ZNF280C: variants seen among roughly 807,000 people sequenced by gnomAD.
ZNF280C encodes suppressor of hairy wing homolog 3.
A neutral mutation model predicts 53.6 loss-of-function variants in ZNF280C; 14 were observed. The observed-to-expected ratio is 0.26, with a 90% confidence interval of 0.17 to 0.41. The LOEUF is 0.41. Among genes scored for constraint, ZNF280C ranks in the 10% least tolerant of loss-of-function variants. The pLI, the probability that ZNF280C is intolerant of heterozygous loss-of-function variation, is 1.00. For synonymous variants in ZNF280C, 203 were observed against 181.1 expected (o/e 1.12, Z -0.97); for missense variants, 416 against 547.1 (o/e 0.76, Z 2.39).
At chrX:130,268,640 A>C (rs2032716534) in intron 1 of ZNF280C, 122 bp downstream of exon 1, 1 of 112,216 alleles carries the variant, frequency 8.9e-6, no homozygotes, top group Non-Finnish European at 1.9e-5. Context: ...GTCGATCCGC[A>C]CCGGCATAGA....
intron 16 of ZNF280C, among the ~76,000 whole-genome samples, chrX:130,208,013 C>G (rs778157799): frequency 8.9e-6 from 1 of 111,797 alleles, no homozygotes; most frequent in South Asian, 3.7e-4. Flanking sequence ...GGACTTCCTA[C>G]GCTGTATTAT....
intron 1 of ZNF280C, 41 bp downstream of exon 1, chrX:130,268,721 C>T (rs2032717522): frequency 1.8e-5 from 2 of 112,711 alleles, no homozygotes; most frequent in African/African-American, 6.4e-5. Context: ...AGAGCTGCTG[C>T]CTCCTTCCGC....
chrX:130,230,248 A>G (rs2032263111), intron 9 of ZNF280C, among the ~76,000 whole-genome samples: 1 of 111,823 alleles, frequency 8.9e-6, no homozygotes, highest in African/African-American at 3.2e-5. Flanking sequence ...AAATGTAGGG[A>G]AAATAAGTAG....
At chrX:130,225,145 C>T (rs2032207306) in intron 12 of ZNF280C, among the ~76,000 whole-genome samples, 1 of 111,039 alleles carries the variant, frequency 9.0e-6, no homozygotes, top group African/African-American at 3.3e-5. Context: ...TTCATTATGT[C>T]TTTCTTACCT....
rs751962714 is a variant in ZNF280C, at chrX:130,241,120, C to T, written c.382-1427G>A. ...GTCCGCCTGATTACAAAGCCTGTGT[C>T]CTTAAGCTATATCTTTAAAAGAGAT... On this transcript the variant is annotated intron_variant, in intron 5 of 18. Transcript: ENST00000370978. Among the ~76,000 whole-genome samples the T allele has an allele frequency of 6.6e-3, 731 of 111,256 alleles. 3 individuals are homozygous for T. The highest frequency in any genetic ancestry group is 0.011 in the Non-Finnish European group (577 of 53,038).
intron 2 of ZNF280C, 148 bp downstream of exon 2, chrX:130,260,271 G>A: frequency 6.7e-6 from 2 of 300,588 alleles, no homozygotes; most frequent in Non-Finnish European, 1.0e-5. Flanking sequence ...GACACAGTGA[G>A]ACTCTGTCTC....
In ZNF280C at chrX:130,233,622, CAA is replaced by C. The variant is rs35420272; in HGVS notation, c.771+2590_771+2591del. Among the ~76,000 whole-genome samples, 272 of 52,817 alleles carry C rather than the reference CAA, an allele frequency of 5.1e-3. 1 individual carries two copies. The highest frequency in any genetic ancestry group is 0.016 in the African/African-American group (234 of 14,343). 45.9% of individuals were successfully genotyped at this position (52,817 alleles called of 115,157 possible). ...GGGCAACAAGAGTGAAACTCTGTCTCAAAAAAAAAAAAAAAAAAAAGATTTGC... is the reference window on the plus strand; with the variant it reads ...GGGCAACAAGAGTGAAACTCTGTCTCAAAAAAAAAAAAAAAAAAGATTTGC... On this transcript the variant is annotated intron_variant, in intron 8 of 18. Coordinates refer to ENST00000370978, the MANE Select transcript of ZNF280C (RefSeq NM_017666.5).
At chrX:130,256,352 A>C (rs764261681) in intron 2 of ZNF280C, among the ~76,000 whole-genome samples, 1 of 111,604 alleles carries the variant, frequency 9.0e-6, no homozygotes, top group African/African-American at 3.3e-5. Flanking sequence ...AATCCCCCTA[A>C]ATATTATTAA....
chrX:130,242,341 G>C (rs2032401669), intron 5 of ZNF280C, among the ~76,000 whole-genome samples: 1 of 111,524 alleles, frequency 9.0e-6, no homozygotes, highest in African/African-American at 3.3e-5. Flanking sequence ...ATATTAACAG[G>C]CCAGTAAATG....
At chrX:130,218,275 C>G (rs1025310979) in intron 13 of ZNF280C, among the ~76,000 whole-genome samples, 4 of 111,711 alleles carry the variant, frequency 3.6e-5, no homozygotes, top group African/African-American at 1.3e-4. Flanking sequence ...GCATTACCCT[C>G]TGGTAACTAT....
chrX:130,267,767 T>G (rs1300975697), intron 1 of ZNF280C, among the ~76,000 whole-genome samples: 2 of 112,092 alleles, frequency 1.8e-5, no homozygotes, highest in African/African-American at 6.5e-5. Context: ...AGGAGACTTT[T>G]GCAGTTTAAA....
At chrX:130,268,435 C>G (rs1399989940) in intron 1 of ZNF280C, among the ~76,000 whole-genome samples, 1 of 112,070 alleles carries the variant, frequency 8.9e-6, no homozygotes, top group Non-Finnish European at 1.9e-5. Flanking sequence ...ATGAAAAGCC[C>G]AAACCGGGTT....
At chrX:130,263,862 T>C (rs1236201405) in intron 1 of ZNF280C, among the ~76,000 whole-genome samples, 3 of 108,478 alleles carry the variant, frequency 2.8e-5, no homozygotes, top group African/African-American at 1.0e-4. Flanking sequence ...CCGTCTCTAC[T>C]AAAAATATAA....
rs752905929 is a variant in ZNF280C at position 130,260,454 on chromosome X, T to C, written c.-5A>G. 15 of 1,195,931 alleles carry C rather than the reference T, an allele frequency of 1.3e-5. No individual in the cohort carries two copies. The highest frequency in any genetic ancestry group is 1.8e-5 in the South Asian group (1 of 54,535). On this transcript the variant is annotated 5_prime_UTR_variant, in exon 2 of 19. Coordinates refer to ENST00000370978, the MANE Select transcript of ZNF280C (RefSeq NM_017666.5). ...AAAAGGTTTGTCGTCATCCATGAAG[T>C]TGCAAGGTCACCTAAGTACGAACAC...
At chrX:130,214,494 G>A (rs1410157515) in intron 15 of ZNF280C, among the ~76,000 whole-genome samples, 1 of 111,232 alleles carries the variant, frequency 9.0e-6, no homozygotes, top group Non-Finnish European at 1.9e-5. Flanking sequence ...CAAAGTGATC[G>A]CTGTGAAGAG....
At chrX:130,229,282 GTACTT>G in intron 9 of ZNF280C, 148 bp from the exon 10 acceptor site, 1 of 459,831 alleles carries the variant, frequency 2.2e-6, no homozygotes, top group East Asian at 3.9e-5. Context: ...TATAAAGTGT[GTACTT>G]TAAATAATTT....
intron 2 of ZNF280C, among the ~76,000 whole-genome samples, chrX:130,256,641 C>T (rs1419131031): frequency 9.0e-6 from 1 of 110,660 alleles, no homozygotes; most frequent in African/African-American, 3.3e-5. Context: ...GACCTTAATC[C>T]CAGCACTTTG....
intron 12 of ZNF280C, among the ~76,000 whole-genome samples, chrX:130,222,276 CCACACA>C (rs59694150): frequency 0.062 from 4,348 of 69,846 alleles, 122 homozygotes; most frequent in Middle Eastern, 0.11. Context: ...CATTCAGACA[CCACACA>C]CACACACACA....
chrX:130,245,575 T>A (rs950045409), intron 3 of ZNF280C, among the ~76,000 whole-genome samples: 1 of 111,489 alleles, frequency 9.0e-6, no homozygotes, highest in African/African-American at 3.3e-5. Context: ...CCAAGAGAAG[T>A]AAGAACTAGG....
Sources: gnomAD v4.1 joint callset for allele counts (sites outside exome capture counted in the v4.1 genomes callset) on GRCh38, gnomAD v4.1.1 for gene constraint, MANE v1.5 for transcripts, NCBI Gene and HGNC (gene_info 2026-07-23, HGNC 2026-07-21) for gene names.